AKAP19: variants seen among roughly 807,000 people sequenced by gnomAD.
AKAP19 encodes A-kinase anchoring protein 19.
chr2:190,087,105 G>A, the AKAP19 span, among the ~76,000 whole-genome samples: 7 of 152,274 alleles, frequency 4.6e-5, no homozygotes, highest in African/African-American at 1.7e-4. Context: ...AAGTATTCTG[G>A]CTATGGAAGA....
the AKAP19 span, among the ~76,000 whole-genome samples, chr2:190,141,569 C>T: frequency 6.6e-6 from 1 of 152,072 alleles, no homozygotes; most frequent in Admixed American, 6.5e-5. Context: ...CGTGTAAAAC[C>T]ATCAGATCTC....
chr2:190,013,691 A>G, the AKAP19 span, among the ~76,000 whole-genome samples: 2 of 150,708 alleles, frequency 1.3e-5, no homozygotes, highest in Admixed American at 1.3e-4. Context: ...AATTTTTTGT[A>G]TTTTTTTTAG....
chr2:190,035,464 C>G, the AKAP19 span, among the ~76,000 whole-genome samples: 1 of 152,050 alleles, frequency 6.6e-6, no homozygotes, highest in Non-Finnish European at 1.5e-5. Flanking sequence ...GAGATACAGA[C>G]TACTTTCATT....
At chr2:189,970,224 T>C in the AKAP19 span, among the ~76,000 whole-genome samples, 1 of 152,172 alleles carries the variant, frequency 6.6e-6, no homozygotes, top group African/African-American at 2.4e-5. Flanking sequence ...TCTATAGAAA[T>C]ATGCTATATG....
the AKAP19 span, among the ~76,000 whole-genome samples, chr2:190,118,129 A>C: frequency 6.6e-6 from 1 of 152,246 alleles, no homozygotes; most frequent in Non-Finnish European, 1.5e-5. Flanking sequence ...GAAATGGATA[A>C]ATTCCTGGAC....
At chr2:190,151,011 G>A in the AKAP19 span, among the ~76,000 whole-genome samples, 7 of 151,930 alleles carry the variant, frequency 4.6e-5, no homozygotes, top group Non-Finnish European at 1.5e-5. Context: ...TTGCTTACTT[G>A]TCTATAAAAT....
chr2:189,924,883 AAAATAAAT>A, the AKAP19 span, among the ~76,000 whole-genome samples: 5 of 151,996 alleles, frequency 3.3e-5, no homozygotes, highest in East Asian at 1.9e-4. Context: ...ACCAGGGGAA[AAAATAAAT>A]AAATAAATAA....
At chr2:189,923,926 C>T in the AKAP19 span, 13 of 1,610,468 alleles carry the variant, frequency 8.1e-6, no homozygotes, top group East Asian at 1.8e-4. Flanking sequence ...TGGATTCTTT[C>T]CTGGAAAACC....
chr2:190,002,043 C>T, the AKAP19 span, among the ~76,000 whole-genome samples: 1 of 152,172 alleles, frequency 6.6e-6, no homozygotes, highest in African/African-American at 2.4e-5. Context: ...AGAATCGCTG[C>T]CATTTCTCAC....
At chr2:189,957,119 G>A in the AKAP19 span, among the ~76,000 whole-genome samples, 2 of 152,148 alleles carry the variant, frequency 1.3e-5, no homozygotes, top group Admixed American at 6.5e-5. Flanking sequence ...AGGTTGCAGT[G>A]AGCCGAGATC....
At chr2:190,077,099 TC>T in the AKAP19 span, among the ~76,000 whole-genome samples, 3 of 152,200 alleles carry the variant, frequency 2.0e-5, no homozygotes, top group African/African-American at 7.2e-5. Context: ...TTATATTTCA[TC>T]TCTAGACAAT....
the AKAP19 span, among the ~76,000 whole-genome samples, chr2:189,971,059 G>A: frequency 6.6e-6 from 1 of 152,010 alleles, no homozygotes; most frequent in Non-Finnish European, 1.5e-5. Context: ...ATGTATACGT[G>A]TGCCTTGTTG....
At chr2:190,168,738 A>G in the AKAP19 span, among the ~76,000 whole-genome samples, 7 of 152,186 alleles carry the variant, frequency 4.6e-5, no homozygotes, top group Non-Finnish European at 8.8e-5. Context: ...CTTTGCTAAA[A>G]CATAACAAGA....
chr2:189,958,768 A>G, the AKAP19 span, among the ~76,000 whole-genome samples: 2 of 152,092 alleles, frequency 1.3e-5, no homozygotes, highest in Non-Finnish European at 2.9e-5. Flanking sequence ...AATGCTACAT[A>G]GCAATAAAAT....
At chr2:190,140,881 A>C in the AKAP19 span, among the ~76,000 whole-genome samples, 3 of 152,060 alleles carry the variant, frequency 2.0e-5, no homozygotes, top group African/African-American at 7.2e-5. Context: ...CAGGCTGCAA[A>C]TTTTCCAAAC....
the AKAP19 span, among the ~76,000 whole-genome samples, chr2:190,073,291 T>A: frequency 6.6e-6 from 1 of 152,172 alleles, no homozygotes; most frequent in East Asian, 1.9e-4. Context: ...AAAGTGCCAG[T>A]CTATAGATGA....
chr2:190,021,309 A>G, the AKAP19 span, among the ~76,000 whole-genome samples: 2 of 152,202 alleles, frequency 1.3e-5, no homozygotes, highest in African/African-American at 4.8e-5. Flanking sequence ...GTTGAACATA[A>G]TCACCTTATT....
chr2:190,187,409 C>CTTTT, the AKAP19 span, among the ~76,000 whole-genome samples: 5,733 of 131,156 alleles, frequency 0.044, 262 homozygotes, highest in African/African-American at 0.12. Flanking sequence ...TTAGAAGTTA[C>CTTTT]TTTTTTTTTT....
At chr2:190,042,114 C>T in the AKAP19 span, among the ~76,000 whole-genome samples, 1 of 152,026 alleles carries the variant, frequency 6.6e-6, no homozygotes, top group Non-Finnish European at 1.5e-5. Flanking sequence ...CTTTGTACAT[C>T]TGGTAGAATT....
Sources: gnomAD v4.1 joint callset for allele counts (sites outside exome capture counted in the v4.1 genomes callset) on GRCh38, gnomAD v4.1.1 for gene constraint, MANE v1.5 for transcripts, NCBI Gene and HGNC (gene_info 2026-07-23, HGNC 2026-07-21) for gene names.